The following GALNTL6 variants were observed in gnomAD, a reference collection of about 807,000 sequenced individuals.
GALNTL6 encodes the protein polypeptide N-acetylgalactosaminyltransferase like 6.
In GALNTL6, 46 loss-of-function variants were observed where a neutral mutation model predicts 73.7. The observed-to-expected ratio is 0.62, with a 90% CI of 0.49 to 0.80. GALNTL6 has a LOEUF of 0.80. Ranked by LOEUF, GALNTL6 falls within the 30% of genes least tolerant of loss-of-function variation. GALNTL6 has a pLI of 0.00. For missense variants in GALNTL6, 604 were observed against 755.0 expected, an observed-to-expected ratio of 0.80 and a Z score of 2.34; for synonymous variants, 259 against 263.7, an observed-to-expected ratio of 0.98 and a Z score of 0.17.
At chr4:172,077,794 GAAAATCTCTCT>G (rs1197915777) in intron 2 of GALNTL6, among the ~76,000 whole-genome samples, 1 of 152,118 alleles carries the variant, frequency 6.6e-6, no homozygotes, top group African/African-American at 2.4e-5. Context: ...AGAGAAAGGG[GAAAATCTCTCT>G]AGGGCATTTC....
At chr4:172,878,965 A>G (rs1312915256) in intron 7 of GALNTL6, among the ~76,000 whole-genome samples, 1 of 151,870 alleles carries the variant, frequency 6.6e-6, no homozygotes. Context: ...TGGAGTGACT[A>G]TAGTAATATC....
intron 5 of GALNTL6, among the ~76,000 whole-genome samples, chr4:172,580,599 A>G (rs954857762): frequency 1.9e-4 from 29 of 152,322 alleles, no homozygotes; most frequent in Admixed American, 1.2e-3. Context: ...CTCTATCGTT[A>G]GGAATTTTCA....
chr4:172,271,161 T>A (rs559313031), intron 3 of GALNTL6, among the ~76,000 whole-genome samples: 1 of 152,254 alleles, frequency 6.6e-6, no homozygotes, highest in African/African-American at 2.4e-5. Context: ...TAATGGAATT[T>A]CAGTTGTTAA....
At chr4:172,531,904 CAA>C in intron 5 of GALNTL6, among the ~76,000 whole-genome samples, 1 of 152,278 alleles carries the variant, frequency 6.6e-6, no homozygotes, top group East Asian at 1.9e-4. Context: ...TCCAAGACAC[CAA>C]AGTGTTCACC....
At chr4:172,373,618 T>A (rs1455857769) in intron 5 of GALNTL6, among the ~76,000 whole-genome samples, 2 of 152,164 alleles carry the variant, frequency 1.3e-5, no homozygotes, top group African/African-American at 4.8e-5. Context: ...GCCCTTCCAA[T>A]GCACAGACTT....
rs551021013 is a variant in GALNTL6 at position 172,812,525 on chromosome 4, G to A, written c.740-1015G>A. ...AGATAGCTATTCTAGCTAAACCAAA[G>A]GATGCAAATGCCAGTGCCCTTTGCC... On this transcript the variant is annotated intron_variant, in intron 6 of 12. Transcript: ENST00000506823. 1.7e-4 allele frequency among the ~76,000 whole-genome samples: 26 copies of A among 151,948 alleles called. No homozygotes were observed. The South Asian group carries it at 2.9e-3, about 17-fold the overall frequency.
At chr4:172,667,512 T>C (rs1414801346) in intron 5 of GALNTL6, 28 of 152,212 alleles carry the variant, frequency 1.8e-4, no homozygotes, top group Admixed American at 1.8e-3. Context: ...CTCATTCATG[T>C]TGTTGGCAGA....
chr4:172,150,147 G>C (rs967641081), intron 2 of GALNTL6, among the ~76,000 whole-genome samples: 5 of 152,122 alleles, frequency 3.3e-5, no homozygotes, highest in African/African-American at 9.7e-5. Context: ...AGCTCTCTTG[G>C]AATCTTTCTT....
intron 5 of GALNTL6, among the ~76,000 whole-genome samples, chr4:172,684,089 A>G (rs1482963215): frequency 6.6e-6 from 1 of 152,200 alleles, no homozygotes; most frequent in Non-Finnish European, 1.5e-5. Context: ...AGAAATGCAG[A>G]CACATCTATA....
chr4:171,824,775 A>C (rs772213191), intron 2 of GALNTL6, among the ~76,000 whole-genome samples: 1 of 152,022 alleles, frequency 6.6e-6, no homozygotes, highest in Admixed American at 6.6e-5. Flanking sequence ...GCCTCTTGAT[A>C]TTTTTGCATT....
intron 2 of GALNTL6, among the ~76,000 whole-genome samples, chr4:171,945,799 G>A (rs1481924702): frequency 6.6e-6 from 1 of 152,036 alleles, no homozygotes; most frequent in African/African-American, 2.4e-5. Flanking sequence ...TTTGATATCA[G>A]GCTCAAAATT....
At chr4:172,363,851 C>T (rs994295191) in intron 5 of GALNTL6, among the ~76,000 whole-genome samples, 9 of 152,054 alleles carry the variant, frequency 5.9e-5, no homozygotes, top group South Asian at 2.1e-4. Flanking sequence ...TTTATTTCTT[C>T]GGTTCCTTTA....
At chr4:172,677,327 C>T (rs1332720488) in intron 5 of GALNTL6, among the ~76,000 whole-genome samples, 1 of 152,134 alleles carries the variant, frequency 6.6e-6, no homozygotes, top group Non-Finnish European at 1.5e-5. Context: ...CCCAATTCGG[C>T]ACTGCTTGAT....
intron 2 of GALNTL6, among the ~76,000 whole-genome samples, chr4:172,018,729 T>C (rs1314522099): frequency 6.6e-6 from 1 of 152,144 alleles, no homozygotes; most frequent in Non-Finnish European, 1.5e-5. Context: ...AGTTCCCTTT[T>C]ACCCCTGGAT....
intron 11 of GALNTL6, among the ~76,000 whole-genome samples, chr4:173,014,549 C>A (rs1039191351): frequency 1.3e-5 from 2 of 152,182 alleles, no homozygotes; most frequent in Non-Finnish European, 2.9e-5. Flanking sequence ...ATGTGTGCAT[C>A]CAGGGGACAG....
intron 5 of GALNTL6, among the ~76,000 whole-genome samples, chr4:172,394,370 C>CA (rs1295392844): frequency 2.7e-5 from 4 of 148,872 alleles, no homozygotes; most frequent in East Asian, 2.0e-4. Context: ...CCAACTTCAA[C>CA]AAAAAAGCCA....
intron 2 of GALNTL6, among the ~76,000 whole-genome samples, chr4:171,873,230 G>A (rs200311960): frequency 6.6e-6 from 1 of 152,014 alleles, no homozygotes; most frequent in Non-Finnish European, 1.5e-5. Flanking sequence ...ACAACATATT[G>A]GACCTTGGCA....
intron 11 of GALNTL6, among the ~76,000 whole-genome samples, chr4:173,014,280 AAAAC>A (rs1752684850): frequency 6.6e-6 from 1 of 152,264 alleles, no homozygotes; most frequent in Non-Finnish European, 1.5e-5. Context: ...TCAAGAAAGA[AAAAC>A]AAAAATAGAT....
intron 2 of GALNTL6, among the ~76,000 whole-genome samples, chr4:171,932,444 G>A (rs1738217703): frequency 6.6e-6 from 1 of 152,176 alleles, no homozygotes; most frequent in South Asian, 2.1e-4. Context: ...GTGAACAGCT[G>A]CACAGGGAAG....
Sources: allele counts gnomAD v4.1 joint callset (sites outside exome capture counted in the v4.1 genomes callset), GRCh38; gene constraint gnomAD v4.1.1; transcripts MANE v1.5; gene names NCBI Gene and HGNC (gene_info 2026-07-23, HGNC 2026-07-21).